Variants in LNP1 observed in about 807,000 individuals in gnomAD.
The protein encoded by LNP1 is leukemia NUP98 fusion partner 1.
In LNP1, 12 loss-of-function variants were observed where a neutral mutation model predicts 14.5. That is an observed-to-expected ratio of 0.83 (90% CI 0.53 to 1.34). The LOEUF (loss-of-function observed/expected upper bound fraction) is 1.34. LNP1 is among the 40% of genes most tolerant of loss of function. The pLI, the probability that LNP1 is intolerant of heterozygous loss-of-function variation, is 0.00. For missense variants in LNP1, 198 were observed against 210.9 expected (o/e 0.94, Z 0.38); for synonymous variants, 75 against 71.4 (o/e 1.05, Z -0.26).
chr3:100,438,739 T>G (rs1707315224), intron 2 of LNP1, among the ~76,000 whole-genome samples: 2 of 152,046 alleles, frequency 1.3e-5, no homozygotes, highest in South Asian at 4.2e-4. Context: ...GGAGAGTCAG[T>G]GTACAGGGCA....
intron 1 of LNP1, among the ~76,000 whole-genome samples, chr3:100,411,021 TA>T: frequency 6.6e-6 from 1 of 152,236 alleles, no homozygotes; most frequent in East Asian, 1.9e-4. Context: ...CCTTACTCCT[TA>T]AGCTGAAGGG....
At chr3:100,403,826 G>C (rs1706937845) in intron 1 of LNP1, among the ~76,000 whole-genome samples, 1 of 152,190 alleles carries the variant, frequency 6.6e-6, no homozygotes, top group Non-Finnish European at 1.5e-5. Context: ...GTGAGGAGGG[G>C]TGGATTAGAT....
chr3:100,456,040 T>TA lies in LNP1; in HGVS notation c.*119dup, dbSNP rs1707507874. The TA allele has an allele frequency of 8.5e-7, 1 of 1,173,218 alleles. No homozygotes were observed. The highest frequency in any genetic ancestry group is 2.4e-5 in the Admixed American group (1 of 42,484). 72.7% of individuals were successfully genotyped at this position (1,173,218 alleles called of 1,614,324 possible). A position where few individuals can be genotyped will look rare whatever the true frequency, so the allele number is the denominator to read the frequency against. ...GCGGGGTTGGGGGTAAAAACAGCTA[T>TA]AAAAAGCAACTGCAGATGCTGACTG... is the stretch of plus-strand genomic sequence containing the variant. On this transcript the variant is annotated 3_prime_UTR_variant, in exon 4 of 4. Coordinates refer to ENST00000383693, the MANE Select transcript of LNP1 (RefSeq NM_001085451.2).
chr3:100,444,736 A>G (rs1299732506), intron 2 of LNP1, among the ~76,000 whole-genome samples: 1 of 152,230 alleles, frequency 6.6e-6, no homozygotes. Flanking sequence ...AGGAGACTTA[A>G]TTTTCCAAAC....
chr3:100,439,238 A>G (rs73860640), intron 2 of LNP1, among the ~76,000 whole-genome samples: 1,825 of 152,144 alleles, frequency 0.012, 33 homozygotes, highest in African/African-American at 0.041. Context: ...TTTCCTGACA[A>G]TATAACACAT....
intron 2 of LNP1, among the ~76,000 whole-genome samples, chr3:100,434,677 C>T (rs962308341): frequency 3.3e-5 from 5 of 151,774 alleles, no homozygotes; most frequent in Non-Finnish European, 1.5e-5. Context: ...TACAGGCGTG[C>T]ACCACCATGC....
intron 1 of LNP1, among the ~76,000 whole-genome samples, chr3:100,407,170 C>T (rs1033134530): frequency 5.9e-5 from 9 of 152,112 alleles, no homozygotes; most frequent in Admixed American, 3.9e-4. Context: ...TAGCTATGTA[C>T]GTATTTTTGC....
At chr3:100,423,868 G>A (rs1707168628) in intron 1 of LNP1, among the ~76,000 whole-genome samples, 1 of 152,158 alleles carries the variant, frequency 6.6e-6, no homozygotes, top group Admixed American at 6.5e-5. Context: ...ATCTCCTCAA[G>A]GCAGGTGCCC....
chr3:100,406,142 C>T (rs960168894), intron 1 of LNP1, among the ~76,000 whole-genome samples: 3 of 152,002 alleles, frequency 2.0e-5, no homozygotes, highest in Admixed American at 6.6e-5. Flanking sequence ...AAAAATTAGC[C>T]GGGCATGGTG....
intron 1 of LNP1, among the ~76,000 whole-genome samples, chr3:100,411,083 C>CT (rs754006055): frequency 6.6e-6 from 1 of 152,172 alleles, no homozygotes; most frequent in Non-Finnish European, 1.5e-5. Context: ...CCGAGAGGGC[C>CT]TGGGGGGCAG....
At chr3:100,434,168 A>G (rs1331568623) in intron 2 of LNP1, among the ~76,000 whole-genome samples, 1 of 152,192 alleles carries the variant, frequency 6.6e-6, no homozygotes, top group Non-Finnish European at 1.5e-5. Flanking sequence ...GCTACTGCCT[A>G]GGTTTTCTTC....
chr3:100,420,432 C>T (rs1458643022), intron 1 of LNP1, among the ~76,000 whole-genome samples: 1 of 152,264 alleles, frequency 6.6e-6, no homozygotes, highest in Non-Finnish European at 1.5e-5. Flanking sequence ...CCACCTCAGC[C>T]TCCTGAGTAG....
chr3:100,422,870 A>G, intron 1 of LNP1, among the ~76,000 whole-genome samples: 1 of 136,484 alleles, frequency 7.3e-6, no homozygotes, highest in Middle Eastern at 4.0e-3. Context: ...TTCTCATAAT[A>G]CATGCTTCAC....
intron 1 of LNP1, among the ~76,000 whole-genome samples, chr3:100,405,623 C>A (rs1173256111): frequency 6.6e-6 from 1 of 152,104 alleles, no homozygotes; most frequent in East Asian, 1.9e-4. Flanking sequence ...TTTATAGGGG[C>A]ACTCATCCTA....
At chr3:100,425,337 A>C (rs1056923729) in intron 1 of LNP1, among the ~76,000 whole-genome samples, 1 of 152,152 alleles carries the variant, frequency 6.6e-6, no homozygotes, top group Non-Finnish European at 1.5e-5. Flanking sequence ...TGTTTCTTTC[A>C]GTTTTTCTCC....
intron 1 of LNP1, among the ~76,000 whole-genome samples, chr3:100,415,171 T>G (rs1439560530): frequency 2.0e-5 from 3 of 152,142 alleles, no homozygotes; most frequent in Non-Finnish European, 4.4e-5. Context: ...GATTTTAACT[T>G]ACAGAAAACA....
intron 1 of LNP1, among the ~76,000 whole-genome samples, chr3:100,415,795 G>T (rs1023587395): frequency 2.6e-5 from 4 of 152,256 alleles, no homozygotes; most frequent in Admixed American, 6.5e-5. Context: ...CACCATTCAA[G>T]CAAAGAATTG....
chr3:100,404,205 T>C (rs1402798937), intron 1 of LNP1, among the ~76,000 whole-genome samples: 1 of 152,134 alleles, frequency 6.6e-6, no homozygotes, highest in Non-Finnish European at 1.5e-5. Context: ...TTTTTGTGGG[T>C]GGGGGAGGTT....
At chr3:100,407,340 A>G (rs1457218924) in intron 1 of LNP1, among the ~76,000 whole-genome samples, 1 of 152,202 alleles carries the variant, frequency 6.6e-6, no homozygotes, top group African/African-American at 2.4e-5. Context: ...TCATTTCTGA[A>G]TGACAGTTTT....
Sources: gnomAD v4.1 joint callset for allele counts (sites outside exome capture counted in the v4.1 genomes callset) on GRCh38, gnomAD v4.1.1 for gene constraint, MANE v1.5 for transcripts, NCBI Gene and HGNC (gene_info 2026-07-23, HGNC 2026-07-21) for gene names.